PLCB1: variants seen among roughly 807,000 people sequenced by gnomAD.
The protein encoded by PLCB1 is phospholipase C beta 1.
Under a neutral mutation model 161.8 loss-of-function variants are expected in PLCB1, and 46 were observed. That is an observed-to-expected ratio of 0.28 (90% CI 0.22 to 0.36). The LOEUF (loss-of-function observed/expected upper bound fraction) is 0.36. PLCB1 is among the 10% of genes least tolerant of loss of function. PLCB1 has a pLI of 1.00. For synonymous variants in PLCB1, 517 were observed against 503.7 expected (o/e 1.03, Z -0.35); for missense variants, 1,016 against 1,472.5 (o/e 0.69, Z 5.07).
chr20:8,272,254 T>A (rs185965857), intron 2 of PLCB1, among the ~76,000 whole-genome samples: 142 of 152,188 alleles, frequency 9.3e-4, no homozygotes, highest in African/African-American at 3.0e-3. Flanking sequence ...AGTTATTAGG[T>A]GAATAGAGAG....
chr20:8,747,031 T>C (rs1390278821), intron 23 of PLCB1, among the ~76,000 whole-genome samples: 2 of 152,196 alleles, frequency 1.3e-5, no homozygotes, highest in Admixed American at 6.5e-5. Flanking sequence ...GTAACAAAGC[T>C]GTAATTTTCT....
At chr20:8,730,238 C>T (rs1980165242) in intron 18 of PLCB1, among the ~76,000 whole-genome samples, 1 of 151,902 alleles carries the variant, frequency 6.6e-6, no homozygotes, top group Admixed American at 6.6e-5. Context: ...AAGCCTTGTG[C>T]TCCCATTTTT....
intron 18 of PLCB1, chr20:8,729,986 A>G (rs1295307242): frequency 6.6e-6 from 1 of 152,018 alleles, no homozygotes; most frequent in Non-Finnish European, 1.5e-5. Flanking sequence ...CATTTCTTGA[A>G]TCATTATTAA....
chr20:8,733,525 C>G, intron 19 of PLCB1, 133 bp downstream of exon 19: 1 of 790,158 alleles, frequency 1.3e-6, no homozygotes, highest in Non-Finnish European at 2.0e-6. Context: ...TTTTTTTTCT[C>G]TAAAGATCAA....
intron 3 of PLCB1, among the ~76,000 whole-genome samples, chr20:8,476,085 G>A (rs571105184): frequency 2.4e-4 from 37 of 152,120 alleles, no homozygotes; most frequent in Non-Finnish European, 4.9e-4. Flanking sequence ...AGTCATTTCC[G>A]GCACCAACCA....
chr20:8,637,955 G>A (rs1430151109), intron 4 of PLCB1, among the ~76,000 whole-genome samples: 2 of 152,144 alleles, frequency 1.3e-5, no homozygotes, highest in East Asian at 1.9e-4. Flanking sequence ...GTGCAGTGGC[G>A]CCATCTCGGC....
chr20:8,679,035 C>A lies in PLCB1; in HGVS notation c.863-5897C>A, dbSNP rs1404743839. 3.3e-5 allele frequency among the ~76,000 whole-genome samples: 5 copies of A among 152,302 alleles called. No individual in the cohort carries two copies. In the East Asian group the frequency reaches 9.7e-4, roughly 29 times the overall value. ...ATTTTATGTGCCATGTTTTTAAGTTCTTGAAAGGCAATGCTCTGATGGACA... is the reference window on the plus strand; with the variant it reads ...ATTTTATGTGCCATGTTTTTAAGTTATTGAAAGGCAATGCTCTGATGGACA... On this transcript the variant is annotated intron_variant, in intron 9 of 31. Coordinates refer to ENST00000338037, the MANE Select transcript of PLCB1 (RefSeq NM_015192.4).
intron 11 of PLCB1, among the ~76,000 whole-genome samples, chr20:8,698,751 G>A (rs879405169): frequency 1.3e-5 from 2 of 152,162 alleles, no homozygotes; most frequent in Admixed American, 1.3e-4. Context: ...ATTGGGTGCT[G>A]TCAGGAGGCA....
intron 31 of PLCB1, among the ~76,000 whole-genome samples, chr20:8,791,915 G>A (rs1159801350): frequency 6.6e-6 from 1 of 152,136 alleles, no homozygotes; most frequent in African/African-American, 2.4e-5. Context: ...GGTGCATTCA[G>A]CTGCAATTTT....
intron 2 of PLCB1, among the ~76,000 whole-genome samples, chr20:8,362,644 A>G (rs756847739): frequency 3.9e-5 from 6 of 152,220 alleles, no homozygotes; most frequent in Admixed American, 6.5e-5. Flanking sequence ...ATATTTGGCT[A>G]TTGCACAACC....
intron 2 of PLCB1, among the ~76,000 whole-genome samples, chr20:8,242,951 G>C (rs1004819196): frequency 6.6e-6 from 1 of 151,962 alleles, no homozygotes; most frequent in Admixed American, 6.6e-5. Flanking sequence ...ATGTTAATTG[G>C]AAGTTAATGA....
chr20:8,539,633 T>TTTCTTTCTTTCTTTCTTTCTTTCTTTCC (rs1568499410), intron 3 of PLCB1, among the ~76,000 whole-genome samples: 11 of 87,196 alleles, frequency 1.3e-4, no homozygotes, highest in African/African-American at 5.4e-4. Context: ...TCTTTCTTTC[T>TTTCTTTCTTTCTTTCTTTCTTTCTTTCC]TTCTTTCTTT....
At chr20:8,601,684 T>C (rs1987591056) in intron 3 of PLCB1, among the ~76,000 whole-genome samples, 1 of 152,190 alleles carries the variant, frequency 6.6e-6, no homozygotes, top group South Asian at 2.1e-4. Context: ...ATGGCTGTGA[T>C]GTGCAAAGCC....
At chr20:8,730,013 A>G (rs562097536) in intron 18 of PLCB1, 21 of 151,958 alleles carry the variant, frequency 1.4e-4, no homozygotes, top group African/African-American at 3.9e-4. Context: ...ACTTTTTAAA[A>G]TATGTTTCTT....
At chr20:8,461,534 C>T (rs1981577042) in intron 3 of PLCB1, among the ~76,000 whole-genome samples, 1 of 152,040 alleles carries the variant, frequency 6.6e-6, no homozygotes, top group Non-Finnish European at 1.5e-5. Flanking sequence ...TCAAGTGATA[C>T]TTGCTCTGCA....
At chr20:8,880,862 T>TTC (rs1255732095) in intron 31 of PLCB1, 4 of 130,500 alleles carry the variant, frequency 3.1e-5, no homozygotes, top group African/African-American at 6.0e-5. Flanking sequence ...CTTTCTTTCT[T>TTC]TTTTTTTTTT....
intron 3 of PLCB1, among the ~76,000 whole-genome samples, chr20:8,575,721 A>C (rs1379382028): frequency 1.3e-5 from 2 of 152,254 alleles, no homozygotes; most frequent in African/African-American, 4.8e-5. Context: ...ATTCAACTTC[A>C]GCGTGAAATC....
At position 8,641,624 on chromosome 20, in the gene PLCB1, A is replaced by C. The variant is rs140304821; in HGVS notation, c.385-4478A>C. 6.5e-3 allele frequency among the ~76,000 whole-genome samples: 994 copies of C among 152,266 alleles called. 8 individuals are homozygous for C. Among genetic ancestry groups the C allele is most frequent in the African/African-American group, 0.023 (947 of 41,542 alleles). ...TTACTTGGTTGTCGTGGACACTGCT[A>C]GGTTCTTACCTGATTGATTGTTCAA... On this transcript the variant is annotated intron_variant, in intron 4 of 31. Coordinates refer to ENST00000338037, the MANE Select transcript of PLCB1 (RefSeq NM_015192.4).
intron 9 of PLCB1, among the ~76,000 whole-genome samples, chr20:8,678,182 G>A (rs978904404): frequency 8.5e-5 from 13 of 152,112 alleles, no homozygotes; most frequent in African/African-American, 3.1e-4. Context: ...TTAAAAAATT[G>A]TGCATGAAGA....
Sources: allele counts gnomAD v4.1 joint callset (sites outside exome capture counted in the v4.1 genomes callset), GRCh38; gene constraint gnomAD v4.1.1; transcripts MANE v1.5; gene names NCBI Gene and HGNC (gene_info 2026-07-23, HGNC 2026-07-21).